ZNF385D: variants seen among roughly 807,000 people sequenced by gnomAD.
ZNF385D encodes zinc finger protein 659.
In ZNF385D, 15 loss-of-function variants were observed where a neutral mutation model predicts 35.8. The ratio of observed to expected loss-of-function variants is 0.42; its 90% confidence interval spans 0.28 to 0.64. The LOEUF (loss-of-function observed/expected upper bound fraction) is 0.64. ZNF385D is among the 30% of genes least tolerant of loss of function. The probability of loss-of-function intolerance (pLI) is 0.23; values close to 1 mark genes in which losing one functional copy is unlikely to be tolerated. For synonymous variants in ZNF385D, 212 were observed against 186.8 expected (o/e 1.13, Z -1.10); for missense variants, 474 against 494.6 (o/e 0.96, Z 0.39).
intron 3 of ZNF385D, among the ~76,000 whole-genome samples, chr3:22,087,785 G>T: frequency 6.6e-6 from 1 of 152,062 alleles, no homozygotes; most frequent in Admixed American, 6.6e-5. Flanking sequence ...ATTAATAATG[G>T]GAAAAAGAAG....
At chr3:21,470,138 A>G (rs1703792782) in intron 4 of ZNF385D, among the ~76,000 whole-genome samples, 1 of 152,212 alleles carries the variant, frequency 6.6e-6, no homozygotes, top group Admixed American at 6.5e-5. Flanking sequence ...TGGTAAGAGA[A>G]CCCATTATGT....
At position 21,788,237 on chromosome 3, in the gene ZNF385D, G is replaced by A. The variant is rs570298077; in HGVS notation, c.326-123209C>T. On this transcript the variant is annotated intron_variant, in intron 3 of 5. Transcript: ENST00000494108. ...CTCACGCCTGTTATCTCAGCACTTC[G>A]GGAGGCCGAGGTGAGTGAATCACCT... 3.9e-3 allele frequency among the ~76,000 whole-genome samples: 588 copies of A among 152,326 alleles called. 9 individuals are homozygous for A. The highest frequency in any genetic ancestry group is 5.2e-3 in the Non-Finnish European group (356 of 68,032).
At chr3:21,569,353 A>C (rs2063253436) in intron 2 of ZNF385D, among the ~76,000 whole-genome samples, 1 of 149,016 alleles carries the variant, frequency 6.7e-6, no homozygotes, top group African/African-American at 2.5e-5. Context: ...TGTTGGTTTA[A>C]AGTCTGTTTT....
chr3:22,065,522 G>A (rs528355000), intron 3 of ZNF385D, among the ~76,000 whole-genome samples: 1 of 152,296 alleles, frequency 6.6e-6, no homozygotes, highest in African/African-American at 2.4e-5. Context: ...TGCCAGGTGA[G>A]TGTACAATAG....
At chr3:21,934,943 T>G (rs1188391718) in intron 3 of ZNF385D, among the ~76,000 whole-genome samples, 1 of 152,236 alleles carries the variant, frequency 6.6e-6, no homozygotes, top group Admixed American at 6.5e-5. Context: ...ATTAGCTATG[T>G]CTTAGTTGAT....
At chr3:21,530,926 G>A (rs2061906734) in intron 3 of ZNF385D, among the ~76,000 whole-genome samples, 1 of 152,104 alleles carries the variant, frequency 6.6e-6, no homozygotes, top group Admixed American at 6.5e-5. Context: ...TCCATACCAT[G>A]TTTAAACACT....
intron 1 of ZNF385D, among the ~76,000 whole-genome samples, chr3:21,725,481 TA>T (rs1416942103): frequency 2.6e-5 from 4 of 151,822 alleles, no homozygotes; most frequent in Non-Finnish European, 5.9e-5. Context: ...ATAGATGCAA[TA>T]AAAAATGATA....
intron 2 of ZNF385D, among the ~76,000 whole-genome samples, chr3:21,584,305 CT>C (rs754952474): frequency 1.3e-5 from 2 of 152,102 alleles, no homozygotes; most frequent in Non-Finnish European, 2.9e-5. Context: ...TGTTCAAAAA[CT>C]TTCTAACTGA....
At chr3:22,047,671 G>A (rs111363792) in intron 3 of ZNF385D, among the ~76,000 whole-genome samples, 13 of 152,054 alleles carry the variant, frequency 8.5e-5, no homozygotes, top group African/African-American at 2.2e-4. Context: ...GGTTGATTTC[G>A]TATCTTAGCT....
chr3:21,704,921 G>T (rs1259084305), intron 1 of ZNF385D, among the ~76,000 whole-genome samples: 2 of 152,122 alleles, frequency 1.3e-5, no homozygotes, highest in Non-Finnish European at 2.9e-5. Context: ...CTGCAGTGGG[G>T]TGCTATGTCA....
chr3:21,564,743 A>G, intron 2 of ZNF385D, 59 bp from the exon 3 acceptor site: 1 of 1,111,382 alleles, frequency 9.0e-7, no homozygotes, highest in Non-Finnish European at 1.3e-6. Flanking sequence ...TTCCATTGGA[A>G]TTTTGCCTAT....
intron 3 of ZNF385D, among the ~76,000 whole-genome samples, chr3:21,885,321 T>C (rs1559722403): frequency 6.6e-6 from 1 of 152,064 alleles, no homozygotes; most frequent in Non-Finnish European, 1.5e-5. Context: ...AACATTTGTA[T>C]TGAACTATAC....
chr3:22,346,316 A>C (rs192774680), intron 2 of ZNF385D, among the ~76,000 whole-genome samples: 1 of 152,146 alleles, frequency 6.6e-6, no homozygotes, highest in African/African-American at 2.4e-5. Context: ...AAATAACGAC[A>C]TATCTGTTGG....
intron 3 of ZNF385D, among the ~76,000 whole-genome samples, chr3:21,965,902 T>A (rs1702886776): frequency 6.6e-6 from 1 of 152,168 alleles, no homozygotes; most frequent in African/African-American, 2.4e-5. Context: ...ATGGGAAACC[T>A]GCAAATAATT....
At chr3:21,485,441 T>C (rs1704955225) in intron 4 of ZNF385D, among the ~76,000 whole-genome samples, 1 of 152,172 alleles carries the variant, frequency 6.6e-6, no homozygotes, top group African/African-American at 2.4e-5. Flanking sequence ...CAAATGCCCA[T>C]TAGGCATCAT....
chr3:22,187,533 C>T (rs1695719185), intron 2 of ZNF385D, among the ~76,000 whole-genome samples: 1 of 151,986 alleles, frequency 6.6e-6, no homozygotes, highest in African/African-American at 2.4e-5. Context: ...TAAAATATTA[C>T]ATAGATATTC....
chr3:21,741,691 C>A lies in ZNF385D; in HGVS notation c.22+9204G>T, dbSNP rs568129090. On this transcript the variant is annotated intron_variant, in intron 1 of 7. Transcript: ENST00000281523. ...AAGAAATCTGTCTTTAAAAGTCCAGCAACACATGGAGGAATAGATAAAAAT... is the reference window on the plus strand; with the variant it reads ...AAGAAATCTGTCTTTAAAAGTCCAGAAACACATGGAGGAATAGATAAAAAT... 7.9e-5 allele frequency among the ~76,000 whole-genome samples: 12 copies of A among 152,088 alleles called. No homozygotes were observed. In the South Asian group the frequency reaches 1.5e-3, roughly 18 times the overall value.
intron 3 of ZNF385D, among the ~76,000 whole-genome samples, chr3:22,035,700 C>A (rs1443652411): frequency 1.3e-5 from 2 of 152,096 alleles, no homozygotes; most frequent in South Asian, 2.1e-4. Flanking sequence ...AGAAAACAAG[C>A]AATGGGCCAT....
intron 3 of ZNF385D, among the ~76,000 whole-genome samples, chr3:21,867,648 A>G (rs995949756): frequency 1.3e-5 from 2 of 152,022 alleles, no homozygotes; most frequent in Admixed American, 6.6e-5. Context: ...ATACATTTTG[A>G]TGACTACTTT....
Sources: allele counts gnomAD v4.1 joint callset (sites outside exome capture counted in the v4.1 genomes callset), GRCh38; gene constraint gnomAD v4.1.1; transcripts MANE v1.5; gene names NCBI Gene and HGNC (gene_info 2026-07-23, HGNC 2026-07-21).